NCAM1: variants seen among roughly 807,000 people sequenced by gnomAD.
NCAM1 encodes the protein antigen recognized by monoclonal antibody 5.1H11.
NCAM1 carries 14 observed loss-of-function variants against 109.8 expected under a neutral mutation model. The observed-to-expected ratio is 0.13, with a 90% CI of 0.08 to 0.20. The LOEUF (loss-of-function observed/expected upper bound fraction) is 0.20. Among genes scored for constraint, NCAM1 ranks in the 10% least tolerant of loss-of-function variants. The probability of loss-of-function intolerance (pLI) is 1.00; values close to 1 mark genes in which losing one functional copy is unlikely to be tolerated. For missense variants in NCAM1, 774 were observed against 1,109.9 expected, an observed-to-expected ratio of 0.70 and a Z score of 4.30; for synonymous variants, 418 against 442.9, an observed-to-expected ratio of 0.94 and a Z score of 0.70.
rs654298 is a variant in NCAM1 at position 113,274,359 on chromosome 11, G to C, written c.2457-908G>C. 6.6e-5 allele frequency among the ~76,000 whole-genome samples: 10 copies of C among 151,624 alleles called. No homozygotes were observed. The highest frequency in any genetic ancestry group is 7.3e-5 in the African/African-American group (3 of 41,310). ...CTGGGTCTCAAAGTTCAAGAGAAAG[G>C]CCTTAACCTTTCAGGTTTGTAAGTG... On this transcript the variant is annotated intron_variant, in intron 19 of 19. Transcript: ENST00000316851. The surrounding 1 kb of genome is among the most constrained non-coding windows in gnomAD (Gnocchi z 4.1).
At chr11:113,011,801 T>C (rs1487337784) in intron 1 of NCAM1, among the ~76,000 whole-genome samples, 1 of 152,154 alleles carries the variant, frequency 6.6e-6, no homozygotes, top group African/African-American at 2.4e-5. Context: ...TGTCAATGTC[T>C]TGAAGGACAA....
chr11:113,243,116 T>C (rs1362916149), intron 14 of NCAM1, among the ~76,000 whole-genome samples: 3 of 152,206 alleles, frequency 2.0e-5, no homozygotes, highest in Non-Finnish European at 2.9e-5. Context: ...TAGTTAAAAA[T>C]AGCCAAGGAT....
chr11:113,192,385 C>T (rs138031788), intron 1 of NCAM1, among the ~76,000 whole-genome samples: 25 of 150,704 alleles, frequency 1.7e-4, no homozygotes, highest in Middle Eastern at 3.4e-3. Context: ...AGTGCTGGCC[C>T]GCAATAAGGG....
chr11:113,127,845 G>T (rs570324838), intron 1 of NCAM1, among the ~76,000 whole-genome samples: 2 of 152,228 alleles, frequency 1.3e-5, no homozygotes, highest in South Asian at 4.1e-4. Flanking sequence ...TTGTATGTTG[G>T]GTATGTGGAA....
rs17115174 is a variant in NCAM1 at position 113,210,148 on chromosome 11, T to C, written c.916+2146T>C. The stretch of plus-strand genomic sequence containing the variant: ...CAGGGAGATAAGCCTGGAAACACGA[T>C]CATCACCTGTCTCTAGGAAATTATT... On this transcript the variant is annotated intron_variant, in intron 7 of 19. Transcript: ENST00000316851. Among the ~76,000 whole-genome samples the C allele has an allele frequency of 8.6e-3, 1,313 of 152,210 alleles. 20 individuals are homozygous for C. Among genetic ancestry groups the C allele is most frequent in the African/African-American group, 0.03 (1,245 of 41,556 alleles).
chr11:113,268,319 G>C (rs1946183191), intron 17 of NCAM1, among the ~76,000 whole-genome samples: 1 of 152,216 alleles, frequency 6.6e-6, no homozygotes, highest in African/African-American at 2.4e-5. Context: ...GCTTCCTGCT[G>C]CCAAAGCCCA....
intron 1 of NCAM1, among the ~76,000 whole-genome samples, chr11:112,989,806 C>T (rs1243886216): frequency 6.6e-6 from 1 of 152,054 alleles, no homozygotes; most frequent in Non-Finnish European, 1.5e-5. Flanking sequence ...TTATTTAAAG[C>T]CAGTAAATTT....
chr11:113,087,910 T>C (rs550703179), intron 1 of NCAM1, among the ~76,000 whole-genome samples: 5 of 152,330 alleles, frequency 3.3e-5, no homozygotes, highest in African/African-American at 9.6e-5. Context: ...CAAGGCATTC[T>C]GCATGACTGT....
At position 113,277,225 on chromosome 11, in the gene NCAM1, A is replaced by G. The variant is rs1946414163; in HGVS notation, c.*1838A>G. ...TGCCTCTGGGTCCATTCTGTGGGCC[A>G]CTCTCCCCAACGTTCTGACACTTCT... is the stretch of plus-strand genomic sequence containing the variant. On this transcript the variant is annotated 3_prime_UTR_variant, in exon 20 of 20. Transcript: ENST00000316851. 7.5e-6 allele frequency: 3 copies of G among 397,806 alleles called. No homozygotes were observed. In the East Asian group the frequency reaches 1.1e-4, roughly 14 times the overall value. 24.6% of individuals were successfully genotyped at this position (397,806 alleles called of 1,614,324 possible).
intron 1 of NCAM1, among the ~76,000 whole-genome samples, chr11:113,102,292 A>G (rs7118324): frequency 0.072 from 11,002 of 152,256 alleles, 768 homozygotes; most frequent in Admixed American, 0.17. Flanking sequence ...CCACAGGAGG[A>G]CACACCTGTG....
At position 113,277,645 on chromosome 11, in the gene NCAM1, C is replaced by CAA. The variant is rs782226499; in HGVS notation, c.*2260_*2261dup. 174 of 386,786 alleles carry CAA rather than the reference C, an allele frequency of 4.5e-4. No homozygotes were observed. Among genetic ancestry groups the CAA allele is most frequent in the Middle Eastern group, 2.0e-3 (3 of 1,534 alleles). 24.0% of individuals were successfully genotyped at this position (386,786 alleles called of 1,614,324 possible). A position where few individuals can be genotyped will look rare whatever the true frequency, so the allele number is the denominator to read the frequency against. ...CCATGCCATACCTTGTCAAGACTGT[C>CAA]AAAGTGGTTGTGGTTAGGTCAAACT... On this transcript the variant is annotated 3_prime_UTR_variant, in exon 20 of 20. Transcript: ENST00000316851.
intron 1 of NCAM1, among the ~76,000 whole-genome samples, chr11:113,080,359 C>T (rs1017344655): frequency 2.0e-5 from 3 of 152,068 alleles, no homozygotes; most frequent in Admixed American, 1.3e-4. Flanking sequence ...AATTTAGGTT[C>T]GCAAAGTAAA....
intron 1 of NCAM1, among the ~76,000 whole-genome samples, chr11:113,019,278 T>G (rs1168532363): frequency 6.6e-6 from 1 of 152,204 alleles, no homozygotes; most frequent in African/African-American, 2.4e-5. Context: ...CAAGGAGTTC[T>G]TAGTTCTAAC....
chr11:112,992,400 G>A (rs2134839984), intron 1 of NCAM1, among the ~76,000 whole-genome samples: 1 of 151,440 alleles, frequency 6.6e-6, no homozygotes, highest in African/African-American at 2.4e-5. Flanking sequence ...TCTAATTGTT[G>A]TAAAATGTGA....
chr11:113,208,657 C>A, intron 7 of NCAM1, among the ~76,000 whole-genome samples: 1 of 152,106 alleles, frequency 6.6e-6, no homozygotes, highest in East Asian at 1.9e-4. Flanking sequence ...CACCCCCACC[C>A]ACCTCCACTC....
At chr11:112,989,562 T>C (rs1474608723) in intron 1 of NCAM1, among the ~76,000 whole-genome samples, 7 of 152,164 alleles carry the variant, frequency 4.6e-5, no homozygotes, top group Non-Finnish European at 1.5e-5. Context: ...TTGCATCTCA[T>C]TGAACTTCAT....
At chr11:113,200,774 C>T (rs998238170) in intron 1 of NCAM1, among the ~76,000 whole-genome samples, 7 of 152,062 alleles carry the variant, frequency 4.6e-5, no homozygotes, top group Admixed American at 1.3e-4. Context: ...GGGCAGTGAC[C>T]CCGCGGCATA....
chr11:113,037,779 T>C (rs1555079430), intron 1 of NCAM1, among the ~76,000 whole-genome samples: 1 of 152,212 alleles, frequency 6.6e-6, no homozygotes, highest in African/African-American at 2.4e-5. Context: ...CATACTCTGG[T>C]CCTCATGTTG....
chr11:113,174,778 G>A (rs1470676857), intron 1 of NCAM1, among the ~76,000 whole-genome samples: 2 of 152,212 alleles, frequency 1.3e-5, no homozygotes, highest in Non-Finnish European at 2.9e-5. Flanking sequence ...GTGGTGAAGA[G>A]CAGGAAGCAA....
Sources: allele counts gnomAD v4.1 joint callset (sites outside exome capture counted in the v4.1 genomes callset), GRCh38; gene constraint gnomAD v4.1.1; non-coding constraint Gnocchi (gnomAD v3.1); transcripts MANE v1.5; gene names NCBI Gene and HGNC (gene_info 2026-07-23, HGNC 2026-07-21).